The following MSL1 variants were observed in gnomAD, a reference collection of about 807,000 sequenced individuals.
MSL1 encodes male-specific lethal 1 homolog.
MSL1 carries 21 observed loss-of-function variants against 64.6 expected under a neutral mutation model. That is an observed-to-expected ratio of 0.33 (90% CI 0.23 to 0.47). The LOEUF is 0.47. Ranked by LOEUF, MSL1 falls within the 20% of genes least tolerant of loss-of-function variation. The pLI is 1.00. For synonymous variants in MSL1, 339 were observed against 329.6 expected (o/e 1.03, Z -0.31); for missense variants, 664 against 793.2 (o/e 0.84, Z 1.96).
Position 40,123,365 on chromosome 17 carries a change from G to A in MSL1, c.753G>A (p.Lys251=), listed in dbSNP as rs1466685446. The change falls in exon 1 of 9, where the codon AAG becomes AAA. Residue 251 remains lysine (K), a synonymous_variant. Coordinates refer to ENST00000398532, the MANE Select transcript of MSL1 (RefSeq NM_001365919.1). Reference sequence around the variant, plus strand: ...AGGAAAAGGAGATCGAGGAGCTGAAGTCAGAGAGAGACACGGTACGGGAGG... The same window carrying A: ...AGGAAAAGGAGATCGAGGAGCTGAAATCAGAGAGAGACACGGTACGGGAGG... ...QAKEKEIEEL[K]SERDTLLARI... is the part of the protein sequence containing the mutation. 6.5e-7 allele frequency: 1 copy of A among 1,536,342 alleles called. No homozygotes were observed. The highest frequency in any genetic ancestry group is 1.4e-5 in the African/African-American group (1 of 73,050).
chr17:40,124,384 T>C (rs1035285890), intron 1 of MSL1, among the ~76,000 whole-genome samples: 7 of 151,598 alleles, frequency 4.6e-5, no homozygotes, highest in Non-Finnish European at 7.4e-5. Context: ...TCTCTCTCTC[T>C]CCCTCCCTCC....
At position 40,133,895 on chromosome 17, in the gene MSL1, C is replaced by G; in HGVS notation, c.1750C>G (p.Pro584Ala). 1 of 1,613,112 alleles carries G rather than the reference C, an allele frequency of 6.2e-7. No individual in the cohort carries two copies. Among genetic ancestry groups the G allele is most frequent in the Non-Finnish European group, 8.5e-7 (1 of 1,179,096 alleles). The change falls in exon 8 of 9, where the codon CCA becomes GCA. Residue 584 changes from proline (P) to alanine (A), a missense_variant. Pro to Ala is a conservative substitution (Grantham distance 27). Coordinates refer to ENST00000398532, the MANE Select transcript of MSL1 (RefSeq NM_001365919.1). Reference protein sequence around the residue: ...AFGRPLPKLTPQNFELPWLDE... With the variant: ...AFGRPLPKLTAQNFELPWLDE... ...TGGACGACCATTACCAAAATTAACT[C>G]CACAGTAAGTATACATTTTTTTTCT... is the stretch of plus-strand genomic sequence containing the variant.
intron 2 of MSL1, among the ~76,000 whole-genome samples, chr17:40,128,375 T>TTTTTTTTA (rs1988368103): frequency 6.9e-6 from 1 of 144,236 alleles, no homozygotes; most frequent in Non-Finnish European, 1.5e-5. Context: ...TATTCTTTTT[T>TTTTTTTTA]TTTTTTTTTT....
In MSL1 at chr17:40,122,706, G is replaced by T. The variant is rs1275575915; in HGVS notation, c.94G>T (p.Gly32Cys). ...RLDYERAAAL[G>C]GPEDEPGAAE... ...GGACTACGAGCGGGCTGCGGCGCTG[G>T]GCGGGCCCGAGGACGAGCCTGGGGC... Residue 32 changes from glycine to cysteine, a missense_variant, in exon 1 of 9, where the codon GGC becomes TGC. This residue lies in a region of MSL1 where 466 missense variants were observed against 499.0 expected (regional missense o/e 0.93). Coordinates refer to ENST00000398532, the MANE Select transcript of MSL1 (RefSeq NM_001365919.1). The surrounding 1 kb of genome is among the most constrained non-coding windows in gnomAD (Gnocchi z 4.2). 1.3e-6 allele frequency: 2 copies of T among 1,483,052 alleles called. No individual in the cohort carries two copies. The highest frequency in any genetic ancestry group is 4.6e-5 in the Admixed American group (2 of 43,298). 91.9% of individuals were successfully genotyped at this position (1,483,052 alleles called of 1,614,324 possible). A position where few individuals can be genotyped will look rare whatever the true frequency, so the allele number is the denominator to read the frequency against.
intron 1 of MSL1, among the ~76,000 whole-genome samples, chr17:40,125,128 AAACT>A (rs775380185): frequency 3.3e-5 from 5 of 152,220 alleles, no homozygotes; most frequent in African/African-American, 4.8e-5. Flanking sequence ...TCTCAAAACT[AAACT>A]AACACAAAGT....
In MSL1 at chr17:40,126,377, A is replaced by G. The variant is rs1303636975; in HGVS notation, c.963A>G (p.Ser321=). 8 of 1,613,862 alleles carry G rather than the reference A, an allele frequency of 5.0e-6. No individual in the cohort carries two copies. Among genetic ancestry groups the G allele is most frequent in the African/African-American group, 1.3e-5 (1 of 74,930 alleles). Residue 321 remains serine, a synonymous_variant, in exon 2 of 9, where the codon TCA becomes TCG. Coordinates refer to ENST00000398532, the MANE Select transcript of MSL1 (RefSeq NM_001365919.1). The stretch of plus-strand genomic sequence containing the variant: ...AGACTCTGCCTCCCAAGCCCTTCTC[A>G]TGTGGGCGGAGTGGAAAGGGACATA... ...TSQTLPPKPF[S]CGRSGKGHKR...
chr17:40,131,765 C>T lies in MSL1; in HGVS notation c.1423+181C>T. 1 of 670,446 alleles carries T rather than the reference C, an allele frequency of 1.5e-6. No homozygotes were observed. The highest frequency in any genetic ancestry group is 2.7e-6 in the Non-Finnish European group (1 of 374,944). 41.5% of individuals were successfully genotyped at this position (670,446 alleles called of 1,614,324 possible). On this transcript the variant is annotated intron_variant, in intron 4 of 8. Coordinates refer to ENST00000398532, the MANE Select transcript of MSL1 (RefSeq NM_001365919.1). This position sits in a 1 kb window ranked among gnomAD's most constrained non-coding sequence, Gnocchi z 4.5. ...AATTTCAGTTGTTTTTCAGGAACTG[C>T]TATAGCATCATTATATGAATTGTCA...
intron 1 of MSL1, among the ~76,000 whole-genome samples, chr17:40,125,454 G>A (rs78869945): frequency 0.032 from 4,937 of 152,250 alleles, 270 homozygotes; most frequent in African/African-American, 0.11. Context: ...GCACTTTGCT[G>A]TTGTGTATAG....
At chr17:40,123,448 T>G in intron 1 of MSL1, 68 bp downstream of exon 1, 1 of 1,481,996 alleles carries the variant, frequency 6.7e-7, no homozygotes, top group South Asian at 1.2e-5. Flanking sequence ...GGAAGGGGGC[T>G]GTAGGAGGTT....
chr17:40,126,083 G>T, intron 1 of MSL1, 100 bp from the exon 2 acceptor site: 1 of 1,019,898 alleles, frequency 9.8e-7, no homozygotes, highest in Non-Finnish European at 1.5e-6. Flanking sequence ...GTGGTCCATA[G>T]AAAGAGGCAG....
At chr17:40,129,145 G>A (rs1173502095) in intron 2 of MSL1, 100 bp from the exon 3 acceptor site, 1 of 1,039,912 alleles carries the variant, frequency 9.6e-7, no homozygotes, top group Non-Finnish European at 1.4e-6. Flanking sequence ...GTCATTTTGG[G>A]GCAAAAGAAC....
intron 7 of MSL1, 27 bp downstream of exon 7, chr17:40,133,685 G>C (rs779001554): frequency 6.2e-7 from 1 of 1,611,572 alleles, no homozygotes; most frequent in African/African-American, 1.3e-5. Flanking sequence ...TAAAAGAGTA[G>C]GTTTTTGAAA....
In MSL1 at chr17:40,122,872, C is replaced by T. The variant is rs914728104; in HGVS notation, c.260C>T (p.Ala87Val). Residue 87 changes from alanine (A) to valine (V), a missense_variant, in exon 1 of 9, where the codon GCG (alanine) becomes GTG (valine). By Grantham distance (64) the Ala-to-Val change is moderately conservative (BLOSUM62 0). Transcript: ENST00000398532. This position sits in a 1 kb window ranked among gnomAD's most constrained non-coding sequence, Gnocchi z 4.2. ...KGRGLLLPAGAAPGQQEESWG... is the reference protein window; with the variant it reads ...KGRGLLLPAGVAPGQQEESWG... ...CGGGGCTTGTTACTCCCGGCCGGGG[C>T]GGCCCCCGGGCAGCAGGAAGAGAGC... 2.9e-6 allele frequency: 4 copies of T among 1,395,824 alleles called. No individual in the cohort carries two copies. The highest frequency in any genetic ancestry group is 1.5e-5 in the African/African-American group (1 of 65,434). The allele number at this position is 1,395,824 out of a possible 1,614,324, so 86.5% of individuals were successfully genotyped here. A position where few individuals can be genotyped will look rare whatever the true frequency, so the allele number is the denominator to read the frequency against.
At chr17:40,123,861 A>G (rs1422421848) in intron 1 of MSL1, among the ~76,000 whole-genome samples, 1 of 152,204 alleles carries the variant, frequency 6.6e-6, no homozygotes, top group Non-Finnish European at 1.5e-5. Flanking sequence ...TAGTGGGCAC[A>G]GGGGTAGAGG....
intron 1 of MSL1, among the ~76,000 whole-genome samples, chr17:40,125,068 C>T (rs1455318601): frequency 6.6e-6 from 1 of 152,230 alleles, no homozygotes; most frequent in Non-Finnish European, 1.5e-5. Flanking sequence ...ACATCACTGT[C>T]TAACCCAGAT....
In MSL1 at chr17:40,122,853, T is replaced by G; in HGVS notation, c.241T>G (p.Leu81Val). ...PAGCGGKGRG[L>V]LLPAGAAPGQ... The stretch of plus-strand genomic sequence containing the variant: ...CGGCTGCGGCGGCAAGGGCCGGGGC[T>G]TGTTACTCCCGGCCGGGGCGGCCCC... The change falls in exon 1 of 9, where the codon TTG becomes GTG. Residue 81 changes from leucine to valine, a missense_variant. Leu to Val is a conservative substitution (Grantham distance 32, BLOSUM62 1). Around this residue, in one of 4 missense-constraint regions of MSL1, gnomAD observed 466 missense variants for 499.0 expected, o/e 0.93. Transcript: ENST00000398532. The surrounding 1 kb of genome is among the most constrained non-coding windows in gnomAD (Gnocchi z 4.2). 1 of 1,387,786 alleles carries G rather than the reference T, an allele frequency of 7.2e-7. No individual in the cohort carries two copies. Among genetic ancestry groups the G allele is most frequent in the Non-Finnish European group, 9.3e-7 (1 of 1,081,052 alleles). The allele number at this position is 1,387,786 out of a possible 1,614,324, so 86.0% of individuals were successfully genotyped here.
Position 40,123,158 on chromosome 17 carries a change from C to T in MSL1, c.546C>T (p.Pro182=). Residue 182 remains proline, a synonymous_variant, in exon 1 of 9, where the codon CCC becomes CCT. Transcript: ENST00000398532. ...PPPLPLPGPP[P]LAPTATAGTL... The stretch of plus-strand genomic sequence containing the variant: ...CACTACCTCTGCCCGGGCCGCCACC[C>T]CTCGCGCCCACCGCCACCGCCGGGA... 3 of 1,534,234 alleles carry T rather than the reference C, an allele frequency of 2.0e-6. No homozygotes were observed. The highest frequency in any genetic ancestry group is 2.6e-6 in the Non-Finnish European group (3 of 1,146,188).
intron 1 of MSL1, among the ~76,000 whole-genome samples, chr17:40,125,897 GT>G (rs1205879361): frequency 6.6e-6 from 1 of 152,246 alleles, no homozygotes; most frequent in Non-Finnish European, 1.5e-5. Context: ...TAAAAGGCAT[GT>G]TACGGCCCTT....
At chr17:40,124,898 A>G (rs577739410) in intron 1 of MSL1, 1 of 152,250 alleles carries the variant, frequency 6.6e-6, no homozygotes, top group East Asian at 1.9e-4. Flanking sequence ...AGTCAGGAAA[A>G]GTGGGGTGAG....
Sources: allele counts gnomAD v4.1 joint callset (sites outside exome capture counted in the v4.1 genomes callset), GRCh38; gene constraint gnomAD v4.1.1; regional missense constraint gnomAD v4.1.1; non-coding constraint Gnocchi (gnomAD v3.1); transcripts MANE v1.5; gene names NCBI Gene and HGNC (gene_info 2026-07-23, HGNC 2026-07-21).